Variants in EML4 observed in about 807,000 individuals in gnomAD.
EML4 encodes the protein EMAP like 4, also known as echinoderm microtubule-associated protein-like 4.
Under a neutral mutation model 129.0 loss-of-function variants are expected in EML4, and 72 were observed. The ratio of observed to expected loss-of-function variants is 0.56; its 90% CI spans 0.46 to 0.68. The LOEUF (loss-of-function observed/expected upper bound fraction) is 0.68. EML4 is among the 30% of genes least tolerant of loss of function. The pLI is 0.00. For synonymous variants in EML4, 532 were observed against 405.0 expected, an observed-to-expected ratio of 1.31 and a Z score of -3.77; for missense variants, 1,363 against 1,190.6, an observed-to-expected ratio of 1.14 and a Z score of -2.13.
At position 42,286,257 on chromosome 2, in the gene EML4, G is replaced by C. The variant is rs975490966; in HGVS notation, c.1012-12G>C. 36 of 1,529,106 alleles carry C rather than the reference G, an allele frequency of 2.4e-5. No homozygotes were observed. Among genetic ancestry groups the C allele is most frequent in the Non-Finnish European group, 3.0e-5 (33 of 1,102,624 alleles). 94.7% of individuals were successfully genotyped at this position (1,529,106 alleles called of 1,614,324 possible). A position where few individuals can be genotyped will look rare whatever the true frequency, so the allele number is the denominator to read the frequency against. On this transcript the variant is annotated splice_polypyrimidine_tract_variant and intron_variant, in intron 9 of 22. Coordinates refer to ENST00000318522, the MANE Select transcript of EML4 (RefSeq NM_019063.5). ...ACCTGTCCAGTTGCTCTGCTGTCTT[G>C]TGTTTTTGCAGCCTCTACAACCCCA...
intron 10 of EML4, 150 bp downstream of exon 10, chr2:42,286,529 A>C: frequency 1.6e-6 from 1 of 613,298 alleles, no homozygotes; most frequent in Non-Finnish European, 2.9e-6. Context: ...CTATTGCTAA[A>C]TGGCTAGCAT....
Position 42,202,920 on chromosome 2 carries a change from T to C in EML4, c.25+33284T>C, listed in dbSNP as rs909368586. On this transcript the variant is annotated intron_variant, in intron 1 of 22. Coordinates refer to ENST00000318522, the MANE Select transcript of EML4 (RefSeq NM_019063.5). ...GTGTATGCCTGTAGTCCTAGTTGCTTAGGAGGCTAAGACCTGAGGATTCCT... is the reference window on the plus strand; with the variant it reads ...GTGTATGCCTGTAGTCCTAGTTGCTCAGGAGGCTAAGACCTGAGGATTCCT... Among the ~76,000 whole-genome samples the C allele has an allele frequency of 7.9e-5, 12 of 151,990 alleles. No homozygotes were observed. The South Asian group carries it at 1.7e-3, about 21-fold the overall frequency.
At chr2:42,215,323 G>T (rs1047101022) in intron 1 of EML4, among the ~76,000 whole-genome samples, 2 of 152,114 alleles carry the variant, frequency 1.3e-5, no homozygotes, top group African/African-American at 4.8e-5. Context: ...AAAGTGCTGG[G>T]ATTATAGGCA....
chr2:42,256,239 A>C (rs548904226), intron 2 of EML4, among the ~76,000 whole-genome samples: 4 of 152,290 alleles, frequency 2.6e-5, no homozygotes, highest in Admixed American at 6.5e-5. Context: ...GGTAAAGCAA[A>C]CCATTTAGCT....
In EML4 at chr2:42,301,387, A is replaced by AT; in HGVS notation, c.1637dup (p.Glu547ArgfsTer4). On this transcript the variant is annotated frameshift_variant, in exon 14 of 23. Coordinates refer to ENST00000318522, the MANE Select transcript of EML4 (RefSeq NM_019063.5). LOFTEE classifies it high-confidence loss of function. The stretch of plus-strand genomic sequence containing the variant: ...TCATGATCTGAATCCTGAAAGAGAA[A>AT]TAGAGGTAAGGATGGAAACGGAATA... The AT allele has an allele frequency of 6.2e-7, 1 of 1,610,722 alleles. No homozygotes were observed. The highest frequency in any genetic ancestry group is 8.5e-7 in the Non-Finnish European group (1 of 1,178,584).
chr2:42,270,813 G>C (rs1159018402), intron 6 of EML4, among the ~76,000 whole-genome samples: 2 of 152,222 alleles, frequency 1.3e-5, no homozygotes, highest in African/African-American at 4.8e-5. Flanking sequence ...TTAGGAAGAA[G>C]TTTGTTGAGT....
At chr2:42,198,877 T>C (rs550984044) in intron 1 of EML4, among the ~76,000 whole-genome samples, 2 of 152,328 alleles carry the variant, frequency 1.3e-5, no homozygotes, top group Admixed American at 1.3e-4. Flanking sequence ...GCAGCCATTG[T>C]GTAGAAACAG....
At chr2:42,175,356 G>A (rs1441227989) in intron 1 of EML4, among the ~76,000 whole-genome samples, 12 of 150,522 alleles carry the variant, frequency 8.0e-5, no homozygotes, top group South Asian at 2.1e-4. Flanking sequence ...CTTGTTATTC[G>A]CCTGCCTCGG....
Position 42,201,449 on chromosome 2 carries a change from AAAAAG to A in EML4, c.25+31814_25+31818del, listed in dbSNP as rs560497015. Among the ~76,000 whole-genome samples, 220 of 152,338 alleles carry A rather than the reference AAAAAG, an allele frequency of 1.4e-3. 1 individual carries two copies. The highest frequency in any genetic ancestry group is 2.0e-3 in the Non-Finnish European group (139 of 68,026). On this transcript the variant is annotated intron_variant, in intron 1 of 22. Transcript: ENST00000318522. ...TTGAACATAAGTCTAATAGAACTTT[AAAAAG>A]TTAAAAGTATAACGCTTTCTGTGAT...
chr2:42,288,184 C>T, intron 10 of EML4, 43 bp from the exon 11 acceptor site: 1 of 818,118 alleles, frequency 1.2e-6, no homozygotes, highest in Non-Finnish European at 2.0e-6. Context: ...AATGTTAGCC[C>T]TATCAGTGAA....
intron 9 of EML4, 156 bp from the exon 10 acceptor site, chr2:42,286,113 C>A (rs1667293904): frequency 1.5e-6 from 1 of 663,420 alleles, no homozygotes; most frequent in Admixed American, 2.4e-5. Flanking sequence ...TAAGAAAATA[C>A]CTACTTAAGA....
intron 1 of EML4, among the ~76,000 whole-genome samples, chr2:42,229,704 A>T (rs1330796712): frequency 6.6e-6 from 1 of 152,286 alleles, no homozygotes; most frequent in East Asian, 1.9e-4. Context: ...TCATTTGCTT[A>T]TAAAAAATAG....
chr2:42,297,254 C>T (rs1668010836), intron 13 of EML4, among the ~76,000 whole-genome samples: 1 of 152,050 alleles, frequency 6.6e-6, no homozygotes, highest in African/African-American at 2.4e-5. Context: ...GGCACATTTA[C>T]TTAGTATCAG....
intron 1 of EML4, among the ~76,000 whole-genome samples, chr2:42,196,163 C>G (rs562797184): frequency 6.6e-6 from 1 of 152,022 alleles, no homozygotes; most frequent in Admixed American, 6.5e-5. Context: ...TGAACCCTAG[C>G]GTTCATTCAG....
intron 1 of EML4, among the ~76,000 whole-genome samples, chr2:42,220,830 T>C (rs1673546668): frequency 6.6e-6 from 1 of 152,174 alleles, no homozygotes; most frequent in South Asian, 2.1e-4. Flanking sequence ...AACAGCCTTA[T>C]TGCAGATACG....
chr2:42,284,959 C>A (rs1002855784), intron 9 of EML4, among the ~76,000 whole-genome samples: 5 of 152,120 alleles, frequency 3.3e-5, no homozygotes, highest in African/African-American at 1.2e-4. Flanking sequence ...AAAACTGATA[C>A]GCTCGTTACA....
At chr2:42,299,518 G>C (rs1668156974) in intron 13 of EML4, among the ~76,000 whole-genome samples, 1 of 152,100 alleles carries the variant, frequency 6.6e-6, no homozygotes, top group Non-Finnish European at 1.5e-5. Flanking sequence ...AAGAAAGCCT[G>C]TACCCATTAG....
chr2:42,295,083 A>T, intron 11 of EML4, 42 bp from the exon 12 acceptor site: 1 of 1,526,994 alleles, frequency 6.5e-7, no homozygotes. Context: ...TGAAGGAGAT[A>T]AGGATATACA....
intron 1 of EML4, among the ~76,000 whole-genome samples, chr2:42,190,655 T>C (rs930489029): frequency 1.1e-4 from 17 of 152,340 alleles, no homozygotes; most frequent in African/African-American, 3.4e-4. Flanking sequence ...AAATTACTTA[T>C]GATCCTGACT....
Sources: allele counts gnomAD v4.1 joint callset (sites outside exome capture counted in the v4.1 genomes callset), GRCh38; gene constraint gnomAD v4.1.1; transcripts MANE v1.5; gene names NCBI Gene and HGNC (gene_info 2026-07-23, HGNC 2026-07-21).